Variants in BMS1 observed in about 807,000 individuals in gnomAD.
The protein encoded by BMS1 is BMS1 ribosome biogenesis factor.
Under a neutral mutation model 138.7 loss-of-function variants are expected in BMS1, and 53 were observed. The observed-to-expected ratio is 0.38, with a 90% CI of 0.31 to 0.48. The LOEUF (loss-of-function observed/expected upper bound fraction) is 0.48, where lower values mean the gene tolerates loss of function less well. Among genes scored for constraint, BMS1 ranks in the 20% least tolerant of loss-of-function variants. The pLI, the probability that BMS1 is intolerant of heterozygous loss-of-function variation, is 0.97. For missense variants in BMS1, 1,360 were observed against 1,565.5 expected, an observed-to-expected ratio of 0.87 and a Z score of 2.22; for synonymous variants, 504 against 539.9, an observed-to-expected ratio of 0.93 and a Z score of 0.92.
chr10:42,817,343 A>T lies in BMS1; in HGVS notation c.2429A>T (p.Lys810Met). The T allele has an allele frequency of 1.9e-6, 3 of 1,605,254 alleles. No homozygotes were observed. The highest frequency in any genetic ancestry group is 2.5e-6 in the Non-Finnish European group (3 of 1,177,814). Residue 810 changes from lysine (K) to methionine (M), a missense_variant, in exon 15 of 23, where the codon AAG (lysine) becomes ATG (methionine). Around this residue, in one of 3 missense-constraint regions of BMS1, gnomAD observed 697 missense variants for 686.2 expected, o/e 1.02. Transcript: ENST00000374518. ...TQNEDIEKEV[K>M]EEIDPDEEES... ...AATGAAGATATAGAGAAAGAAGTTA[A>T]GGAAGAAATTGACCCCGACGAAGAA...
At position 42,820,306 on chromosome 10, in the gene BMS1, T is replaced by C. The variant is rs773717538; in HGVS notation, c.2651T>C (p.Met884Thr). Residue 884 changes from methionine (M) to threonine (T), a missense_variant, in exon 16 of 23, where the codon ATG (methionine) becomes ACG (threonine). Coordinates refer to ENST00000374518, the MANE Select transcript of BMS1 (RefSeq NM_014753.4). ...RVQYEGFRPG[M>T]YVRIEIENVP... The stretch of plus-strand genomic sequence containing the variant: ...CAGTATGAGGGTTTTCGACCTGGGA[T>C]GTACGTCCGCATTGAGATTGAAAAT... The C allele has an allele frequency of 1.9e-6, 3 of 1,613,810 alleles. No individual in the cohort carries two copies. In the Admixed American group the frequency reaches 5.0e-5, roughly 27 times the overall value.
At chr10:42,806,177 A>C (rs565446883) in intron 13 of BMS1, among the ~76,000 whole-genome samples, 1 of 152,090 alleles carries the variant, frequency 6.6e-6, no homozygotes, top group Non-Finnish European at 1.5e-5. Context: ...TGGGCTTCCA[A>C]TTCTGCTTTG....
intron 6 of BMS1, among the ~76,000 whole-genome samples, chr10:42,792,281 T>C (rs932429421): frequency 6.6e-6 from 1 of 152,248 alleles, no homozygotes; most frequent in Non-Finnish European, 1.5e-5. Context: ...TGGTGTCTTA[T>C]GGAATGAATA....
At chr10:42,791,425 C>T (rs1174292786) in intron 5 of BMS1, among the ~76,000 whole-genome samples, 4 of 152,142 alleles carry the variant, frequency 2.6e-5, no homozygotes, top group Non-Finnish European at 5.9e-5. Flanking sequence ...ATGGATGCCC[C>T]GGCTCGGCTG....
At chr10:42,811,442 A>C (rs754616498) in intron 13 of BMS1, among the ~76,000 whole-genome samples, 30 of 151,516 alleles carry the variant, frequency 2.0e-4, no homozygotes, top group Non-Finnish European at 3.7e-4. Flanking sequence ...TCTCATTTCT[A>C]ATGTGAGCAT....
At chr10:42,795,240 T>C (rs1483776703) in intron 9 of BMS1, among the ~76,000 whole-genome samples, 1 of 152,210 alleles carries the variant, frequency 6.6e-6, no homozygotes, top group Non-Finnish European at 1.5e-5. Flanking sequence ...GCATGTGTCT[T>C]TATAGCAGCA....
chr10:42,818,597 G>T lies in BMS1; in HGVS notation c.2580+1103G>T, dbSNP rs1184138863. 2.6e-5 allele frequency among the ~76,000 whole-genome samples: 4 copies of T among 152,208 alleles called. 1 individual carries two copies. Among genetic ancestry groups the T allele is most frequent in the African/African-American group, 9.6e-5 (4 of 41,452 alleles). On this transcript the variant is annotated intron_variant, in intron 15 of 22. Coordinates refer to ENST00000374518, the MANE Select transcript of BMS1 (RefSeq NM_014753.4). ...CGACTGGAAGTTCCTGGAAGGACGG[G>T]TTGTTGTAAGTTAGATAGGAAACCC... is the stretch of plus-strand genomic sequence containing the variant.
At position 42,785,656 on chromosome 10, in the gene BMS1, T is replaced by C. The variant is rs750499591; in HGVS notation, c.351T>C (p.Pro117=). The C allele has an allele frequency of 5.0e-6, 8 of 1,613,570 alleles. No homozygotes were observed. Among genetic ancestry groups the C allele is most frequent in the Middle Eastern group, 1.6e-4 (1 of 6,076 alleles). ...TRQKLTEIRG[P]VTIVSGKKRR... ...AGAAGTTGACTGAGATCAGAGGCCC[T>C]GTGACGATTGTGTCAGGTAGGAGAT... Residue 117 remains proline (P), a synonymous_variant, in exon 3 of 23, where the codon CCT becomes CCC. Coordinates refer to ENST00000374518, the MANE Select transcript of BMS1 (RefSeq NM_014753.4).
intron 13 of BMS1, among the ~76,000 whole-genome samples, chr10:42,813,636 C>G (rs1238434056): frequency 1.3e-5 from 2 of 152,140 alleles, no homozygotes; most frequent in Non-Finnish European, 2.9e-5. Context: ...TGTATGTATC[C>G]ACATTTCTGG....
At position 42,811,548 on chromosome 10, in the gene BMS1, G is replaced by A. The variant is rs1358744826; in HGVS notation, c.2330-5051G>A. Among the ~76,000 whole-genome samples the A allele has an allele frequency of 2.9e-4, 29 of 98,736 alleles. 1 individual carries two copies. The highest frequency in any genetic ancestry group is 1.2e-3 in the East Asian group (3 of 2,406). 64.8% of individuals were successfully genotyped at this position (98,736 alleles called of 152,430 possible). Reference sequence around the variant, plus strand: ...TTTCTTTTTTTTTTTTTTTTGAGACGGAGTCTCGCTCTGTCGCCCAGGCTG... The same window carrying A: ...TTTCTTTTTTTTTTTTTTTTGAGACAGAGTCTCGCTCTGTCGCCCAGGCTG... On this transcript the variant is annotated intron_variant, in intron 13 of 22. Transcript: ENST00000374518.
intron 13 of BMS1, among the ~76,000 whole-genome samples, chr10:42,807,491 G>C (rs1433720488): frequency 6.6e-6 from 1 of 152,094 alleles, no homozygotes; most frequent in African/African-American, 2.4e-5. Flanking sequence ...TTTGTTTTCA[G>C]ACAGGGTCTT....
chr10:42,833,797 T>G lies in BMS1; in HGVS notation c.*2701T>G, dbSNP rs533343692. 1 of 152,346 alleles carries G rather than the reference T, an allele frequency of 6.6e-6. No individual in the cohort carries two copies. Among genetic ancestry groups the G allele is most frequent in the East Asian group, 1.9e-4 (1 of 5,194 alleles). 9.4% of individuals were successfully genotyped at this position (152,346 alleles called of 1,614,324 possible). A position where few individuals can be genotyped will look rare whatever the true frequency, so the allele number is the denominator to read the frequency against. ...AAATTACTTTTCAATACTAATGGCTTATTAATTTGATATTGTCAGCAAGTA... is the reference window on the plus strand; with the variant it reads ...AAATTACTTTTCAATACTAATGGCTGATTAATTTGATATTGTCAGCAAGTA... On this transcript the variant is annotated 3_prime_UTR_variant, in exon 23 of 23. Coordinates refer to ENST00000374518, the MANE Select transcript of BMS1 (RefSeq NM_014753.4).
rs201668020 is a variant in BMS1 at position 42,817,514 on chromosome 10, C to G, written c.2580+20C>G. The G allele has an allele frequency of 6.3e-7, 1 of 1,586,998 alleles. No individual in the cohort carries two copies. Among genetic ancestry groups the G allele is most frequent in the East Asian group, 2.2e-5 (1 of 44,680 alleles). ...GCACAGGTGAGAAACCTCAGTTCCT[C>G]TCAGCCCCTTGTCAAGACTATCATA... On this transcript the variant is annotated intron_variant, in intron 15 of 22. Coordinates refer to ENST00000374518, the MANE Select transcript of BMS1 (RefSeq NM_014753.4).
intron 21 of BMS1, among the ~76,000 whole-genome samples, chr10:42,828,720 A>G (rs1167686744): frequency 6.6e-6 from 1 of 152,052 alleles, no homozygotes; most frequent in Non-Finnish European, 1.5e-5. Context: ...TTAACAATGC[A>G]TTTGAAAAGA....
chr10:42,816,378 G>A (rs967969720), intron 13 of BMS1, among the ~76,000 whole-genome samples: 22 of 152,186 alleles, frequency 1.4e-4, no homozygotes, highest in African/African-American at 2.2e-4. Context: ...TGTGAAGTGC[G>A]GAAATGTGGA....
chr10:42,788,230 T>G (rs1430834690), intron 4 of BMS1, among the ~76,000 whole-genome samples: 1 of 152,242 alleles, frequency 6.6e-6, no homozygotes, highest in East Asian at 1.9e-4. Flanking sequence ...GTAAGCTTAC[T>G]AAATCTTGTA....
At chr10:42,829,162 A>G (rs1225942358) in intron 21 of BMS1, among the ~76,000 whole-genome samples, 1 of 152,124 alleles carries the variant, frequency 6.6e-6, no homozygotes, top group Non-Finnish European at 1.5e-5. Flanking sequence ...AATACAAAAA[A>G]TTAGCCAGGC....
chr10:42,796,434 T>G, intron 9 of BMS1, 40 bp from the exon 10 acceptor site: 1 of 1,558,374 alleles, frequency 6.4e-7, no homozygotes, highest in Non-Finnish European at 8.7e-7. Context: ...AGCTGATTAA[T>G]GTACAAATTG....
intron 15 of BMS1, among the ~76,000 whole-genome samples, chr10:42,818,324 C>T (rs1322371664): frequency 1.3e-5 from 2 of 152,192 alleles, no homozygotes; most frequent in Non-Finnish European, 2.9e-5. Context: ...TTTAAAATTA[C>T]CTAGAGCCTT....
Sources: allele counts gnomAD v4.1 joint callset (sites outside exome capture counted in the v4.1 genomes callset), GRCh38; gene constraint gnomAD v4.1.1; regional missense constraint gnomAD v4.1.1; transcripts MANE v1.5; gene names NCBI Gene and HGNC (gene_info 2026-07-23, HGNC 2026-07-21).